The following GDAP1 variants were observed in gnomAD, a reference collection of about 807,000 sequenced individuals.
The protein encoded by GDAP1 is ganglioside induced differentiation associated protein 1, also known as ganglioside-induced differentiation-associated protein 1.
GDAP1 carries 34 observed loss-of-function variants against 40.1 expected under a neutral mutation model. The observed-to-expected ratio is 0.85, with a 90% CI of 0.64 to 1.13. The LOEUF (loss-of-function observed/expected upper bound fraction) is 1.13. GDAP1 is among the 50% of genes most tolerant of loss of function. GDAP1 has a pLI of 0.00. For synonymous variants in GDAP1, 170 were observed against 157.4 expected (o/e 1.08, Z -0.60); for missense variants, 374 against 433.7 (o/e 0.86, Z 1.22).
chr8:74,449,884 A>G (rs1023604027), intron 2 of GDAP1, among the ~76,000 whole-genome samples: 1 of 151,752 alleles, frequency 6.6e-6, no homozygotes, highest in Admixed American at 6.6e-5. Context: ...ATGAGTGTTA[A>G]ATGGTTTTGT....
chr8:74,388,748 T>A (rs1007359342), intron 2 of GDAP1, among the ~76,000 whole-genome samples: 12 of 152,226 alleles, frequency 7.9e-5, no homozygotes, highest in Admixed American at 6.5e-4. Context: ...TTTTTCTGTC[T>A]TGTTGATCTG....
chr8:74,438,226 C>T (rs1806117524), intron 2 of GDAP1, among the ~76,000 whole-genome samples: 1 of 152,072 alleles, frequency 6.6e-6, no homozygotes, highest in African/African-American at 2.4e-5. Flanking sequence ...GCCAATATCA[C>T]ACCACCGCAC....
At chr8:74,400,056 T>C (rs928488379) in intron 2 of GDAP1, among the ~76,000 whole-genome samples, 3 of 147,768 alleles carry the variant, frequency 2.0e-5, no homozygotes, top group Non-Finnish European at 4.4e-5. Flanking sequence ...TCTGTAGATG[T>C]CTATTAGGTC....
intron 2 of GDAP1, among the ~76,000 whole-genome samples, chr8:74,452,127 T>G (rs1314727964): frequency 2.5e-5 from 2 of 80,046 alleles, no homozygotes; most frequent in East Asian, 7.3e-4. Flanking sequence ...TTTTTTGTAT[T>G]TTTTAGTACA....
chr8:74,375,607 G>T (rs1383601268), intron 2 of GDAP1, among the ~76,000 whole-genome samples: 1 of 152,126 alleles, frequency 6.6e-6, no homozygotes, highest in Non-Finnish European at 1.5e-5. Context: ...AGACATTCAG[G>T]ATACTAGAAA....
At chr8:74,448,019 A>G (rs1213666988) in intron 2 of GDAP1, among the ~76,000 whole-genome samples, 1 of 152,220 alleles carries the variant, frequency 6.6e-6, no homozygotes, top group Non-Finnish European at 1.5e-5. Flanking sequence ...GCAGCAAATT[A>G]AAGAAATTAC....
intron 2 of GDAP1, among the ~76,000 whole-genome samples, chr8:74,385,839 T>G (rs2131540420): frequency 6.6e-6 from 1 of 152,326 alleles, no homozygotes; most frequent in East Asian, 1.9e-4. Context: ...CCACATTCTC[T>G]TCAGCATCTG....
At chr8:74,445,199 G>A (rs1806212709) in intron 2 of GDAP1, among the ~76,000 whole-genome samples, 1 of 152,110 alleles carries the variant, frequency 6.6e-6, no homozygotes, top group Non-Finnish European at 1.5e-5. Flanking sequence ...TCTGTATCAT[G>A]CTTCATTCTG....
intron 2 of GDAP1, among the ~76,000 whole-genome samples, chr8:74,395,683 G>A (rs539730120): frequency 6.6e-6 from 1 of 152,188 alleles, no homozygotes; most frequent in East Asian, 1.9e-4. Flanking sequence ...CTCTAACATG[G>A]GAGTGGATTT....
At chr8:74,356,861 C>T (rs546124273) in intron 2 of GDAP1, among the ~76,000 whole-genome samples, 2 of 151,372 alleles carry the variant, frequency 1.3e-5, no homozygotes, top group African/African-American at 2.4e-5. Context: ...ACTATAGGCG[C>T]GCACCACCAC....
At chr8:74,456,333 G>A (rs1233225780) in intron 2 of GDAP1, among the ~76,000 whole-genome samples, 1 of 151,920 alleles carries the variant, frequency 6.6e-6, no homozygotes, top group East Asian at 1.9e-4. Context: ...CTATTATATA[G>A]AGGTTTTATT....
intron 2 of GDAP1, among the ~76,000 whole-genome samples, chr8:74,433,807 G>T (rs1268968009): frequency 6.6e-6 from 1 of 152,162 alleles, no homozygotes; most frequent in Non-Finnish European, 1.5e-5. Context: ...TATGGTAAAG[G>T]TCAGCCACAC....
rs765609133 is a variant in GDAP1, at chr8:74,364,356, A to G, written c.1066A>G (p.Asn356Asp). 24 of 1,613,652 alleles carry G rather than the reference A, an allele frequency of 1.5e-5. No individual in the cohort carries two copies. The highest frequency in any genetic ancestry group is 1.9e-5 in the Non-Finnish European group (23 of 1,179,986). ...GATATTAGCATTTAGACCCAGACCA[A>G]ATTATTTCTAGGTTTGTTGGGATCT... ...SMILAFRPRP[N>D]YF The change falls in exon 6 of 6, where the codon AAT (asparagine) becomes GAT (aspartate). Residue 356 changes from asparagine to aspartate, a missense_variant. Coordinates refer to ENST00000220822, the MANE Select transcript of GDAP1 (RefSeq NM_018972.4).
intron 2 of GDAP1, among the ~76,000 whole-genome samples, chr8:74,384,455 A>G (rs1304865067): frequency 1.3e-5 from 2 of 152,152 alleles, no homozygotes; most frequent in African/African-American, 2.4e-5. Context: ...TTAAACCCCA[A>G]TTGTTCAACT....
At chr8:74,444,159 T>G (rs898163622) in intron 2 of GDAP1, among the ~76,000 whole-genome samples, 1 of 150,398 alleles carries the variant, frequency 6.6e-6, no homozygotes, top group Non-Finnish European at 1.5e-5. Context: ...CCATGGTGAC[T>G]GGTGAGTGTG....
chr8:74,464,513 A>G (rs1194367035), intron 2 of GDAP1, among the ~76,000 whole-genome samples: 6 of 152,236 alleles, frequency 3.9e-5, no homozygotes, highest in Non-Finnish European at 5.9e-5. Context: ...CAAAAGCCCA[A>G]TGAAGCAAGT....
intron 2 of GDAP1, among the ~76,000 whole-genome samples, chr8:74,463,423 T>G (rs957934912): frequency 1.3e-5 from 2 of 150,786 alleles, no homozygotes; most frequent in African/African-American, 4.9e-5. Context: ...ATTACACCAC[T>G]GCACTCCAGC....
chr8:74,398,219 A>G (rs200403046), intron 2 of GDAP1, among the ~76,000 whole-genome samples: 1 of 152,090 alleles, frequency 6.6e-6, no homozygotes, highest in Non-Finnish European at 1.5e-5. Flanking sequence ...CCATTATGTA[A>G]TGGCCTTCTT....
At chr8:74,392,005 G>A (rs1810117744) in intron 2 of GDAP1, among the ~76,000 whole-genome samples, 2 of 152,084 alleles carry the variant, frequency 1.3e-5, no homozygotes, top group South Asian at 4.1e-4. Flanking sequence ...TTTTAGTAGA[G>A]ATGGGGTTCC....
Sources: allele counts gnomAD v4.1 joint callset (sites outside exome capture counted in the v4.1 genomes callset), GRCh38; gene constraint gnomAD v4.1.1; transcripts MANE v1.5; gene names NCBI Gene and HGNC (gene_info 2026-07-23, HGNC 2026-07-21).